The following STX8 variants were observed in gnomAD, a reference collection of about 807,000 sequenced individuals.
The protein encoded by STX8 is syntaxin 8.
STX8 carries 23 observed loss-of-function variants against 37.5 expected under a neutral mutation model. The ratio of observed to expected loss-of-function variants is 0.61; its 90% CI spans 0.44 to 0.87. STX8 has a LOEUF of 0.87. STX8 is among the 40% of genes least tolerant of loss of function. STX8 has a pLI of 0.00. For missense variants in STX8, 313 were observed against 284.7 expected, an observed-to-expected ratio of 1.10 and a Z score of -0.71; for synonymous variants, 115 against 99.1, an observed-to-expected ratio of 1.16 and a Z score of -0.95.
At chr17:9,426,010 T>C (rs1290682594) in intron 6 of STX8, among the ~76,000 whole-genome samples, 1 of 152,168 alleles carries the variant, frequency 6.6e-6, no homozygotes, top group Non-Finnish European at 1.5e-5. Flanking sequence ...TCTTCTCAAG[T>C]AGGATCAGCC....
chr17:9,292,326 C>A (rs544060778), intron 7 of STX8, among the ~76,000 whole-genome samples: 1 of 152,204 alleles, frequency 6.6e-6, no homozygotes, highest in African/African-American at 2.4e-5. Context: ...CATTCACTGG[C>A]GTGGGAGACC....
intron 7 of STX8, among the ~76,000 whole-genome samples, chr17:9,278,340 T>G (rs1907753426): frequency 6.6e-6 from 1 of 152,040 alleles, no homozygotes; most frequent in South Asian, 2.1e-4. Context: ...TCCCAGCTAC[T>G]CGGGAGGCTG....
chr17:9,494,002 TGTTTTG>T (rs768007795), intron 5 of STX8, among the ~76,000 whole-genome samples: 3 of 51,286 alleles, frequency 5.8e-5, no homozygotes, highest in Non-Finnish European at 1.8e-4. Context: ...TGTTTTTTTT[TGTTTTG>T]TTTTTTTGTT....
At chr17:9,310,467 T>C (rs1245919951) in intron 7 of STX8, among the ~76,000 whole-genome samples, 1 of 152,236 alleles carries the variant, frequency 6.6e-6, no homozygotes, top group African/African-American at 2.4e-5. Context: ...TGCCCCCACC[T>C]GTCTGCTTAA....
intron 5 of STX8, among the ~76,000 whole-genome samples, chr17:9,494,840 G>A (rs77987123): frequency 0.016 from 2,471 of 151,994 alleles, 69 homozygotes; most frequent in African/African-American, 0.056. Context: ...TCATGTCTTT[G>A]TAAAAATTTT....
intron 6 of STX8, among the ~76,000 whole-genome samples, chr17:9,444,147 C>CTCTTTCTCTCTT (rs1904758474): frequency 6.8e-6 from 1 of 147,340 alleles, no homozygotes; most frequent in African/African-American, 2.5e-5. Flanking sequence ...ACATTCTTCT[C>CTCTTTCTCTCTT]TCTTTCTCTC....
intron 4 of STX8, among the ~76,000 whole-genome samples, chr17:9,517,307 T>C (rs1905183983): frequency 6.6e-6 from 1 of 152,190 alleles, no homozygotes; most frequent in Non-Finnish European, 1.5e-5. Context: ...TTTATCACAT[T>C]ATGGCTGGCA....
At chr17:9,321,858 AC>A (rs1286720919) in intron 7 of STX8, among the ~76,000 whole-genome samples, 3 of 152,188 alleles carry the variant, frequency 2.0e-5, no homozygotes, top group Non-Finnish European at 4.4e-5. Context: ...TCGCCAAAAA[AC>A]AGGAAAAGGA....
chr17:9,517,788 T>TAAA (rs11318149), intron 4 of STX8, among the ~76,000 whole-genome samples: 2,192 of 98,680 alleles, frequency 0.022, 61 homozygotes, highest in African/African-American at 0.078. Flanking sequence ...ACCCCTATTG[T>TAAA]AAAAAAAAAA....
At chr17:9,495,014 G>A (rs1280698964) in intron 5 of STX8, among the ~76,000 whole-genome samples, 1 of 152,068 alleles carries the variant, frequency 6.6e-6, no homozygotes, top group East Asian at 1.9e-4. Context: ...ATCTACAAAA[G>A]CAAAAATCAC....
chr17:9,425,910 C>T (rs563170862), intron 6 of STX8, among the ~76,000 whole-genome samples: 6 of 152,258 alleles, frequency 3.9e-5, no homozygotes, highest in Admixed American at 2.6e-4. Context: ...GTCTCAATCT[C>T]TCTCTTGCAC....
At chr17:9,352,872 A>G (rs1361261042) in intron 7 of STX8, among the ~76,000 whole-genome samples, 4 of 149,986 alleles carry the variant, frequency 2.7e-5, no homozygotes, top group Non-Finnish European at 4.4e-5. Context: ...TATTCTTTTT[A>G]TTGCTCCAAT....
At chr17:9,385,376 A>G (rs984282656) in intron 6 of STX8, among the ~76,000 whole-genome samples, 3 of 152,220 alleles carry the variant, frequency 2.0e-5, no homozygotes, top group Non-Finnish European at 4.4e-5. Context: ...AAATTAATAA[A>G]TAAGCCACAG....
At chr17:9,333,603 A>C (rs1306005089) in intron 7 of STX8, among the ~76,000 whole-genome samples, 1 of 152,130 alleles carries the variant, frequency 6.6e-6, no homozygotes, top group African/African-American at 2.4e-5. Context: ...GTTAGCCAGG[A>C]TGGTCTGGAT....
chr17:9,304,058 C>T (rs1908873977), intron 7 of STX8, among the ~76,000 whole-genome samples: 1 of 151,876 alleles, frequency 6.6e-6, no homozygotes, highest in Admixed American at 6.6e-5. Flanking sequence ...GGATCCATCT[C>T]CCAAATTTAT....
At chr17:9,554,328 A>C (rs1420952682) in intron 3 of STX8, 1 of 152,654 alleles carries the variant, frequency 6.6e-6, no homozygotes, top group Non-Finnish European at 1.5e-5. Context: ...ATTCCGGGTT[A>C]TCTCTCCAAC....
At chr17:9,489,057 A>G (rs1179675463) in intron 6 of STX8, among the ~76,000 whole-genome samples, 1 of 152,080 alleles carries the variant, frequency 6.6e-6, no homozygotes, top group Non-Finnish European at 1.5e-5. Flanking sequence ...TTGTATGTTT[A>G]GTACAGGTGG....
At chr17:9,503,841 T>G (rs1407417904) in intron 5 of STX8, among the ~76,000 whole-genome samples, 1 of 152,158 alleles carries the variant, frequency 6.6e-6, no homozygotes. Context: ...ATCGGCTCAC[T>G]GCAACCTCTG....
chr17:9,273,773 G>A (rs1314740302), intron 7 of STX8, among the ~76,000 whole-genome samples: 3 of 152,246 alleles, frequency 2.0e-5, no homozygotes, highest in African/African-American at 4.8e-5. Context: ...CTGCCTTGGC[G>A]ATTTCCCACG....
Sources: allele counts gnomAD v4.1 joint callset (sites outside exome capture counted in the v4.1 genomes callset), GRCh38; gene constraint gnomAD v4.1.1; transcripts MANE v1.5; gene names NCBI Gene and HGNC (gene_info 2026-07-23, HGNC 2026-07-21).